The following ZNF254 variants were observed in gnomAD, a reference collection of about 807,000 sequenced individuals.
ZNF254 encodes zinc finger protein 254, also known as CTD-2017D11.1.
In ZNF254, 10 loss-of-function variants were observed where a neutral mutation model predicts 12.4. The ratio of observed to expected loss-of-function variants is 0.80; its 90% CI spans 0.50 to 1.36. ZNF254 has a LOEUF of 1.36. ZNF254 is among the 40% of genes most tolerant of loss of function. The pLI is 0.00. For synonymous variants in ZNF254, 305 were observed against 253.4 expected (o/e 1.20, Z -1.93); for missense variants, 996 against 763.9 (o/e 1.30, Z -3.58).
At chr19:24,118,468 T>A (rs572240066) in intron 3 of ZNF254, among the ~76,000 whole-genome samples, 1 of 152,160 alleles carries the variant, frequency 6.6e-6, no homozygotes, top group African/African-American at 2.4e-5. Flanking sequence ...TCTCTATAAA[T>A]TAGAAATTTT....
intron 2 of ZNF254, chr19:24,079,440 G>A (rs1489301664): frequency 2.0e-5 from 3 of 152,210 alleles, no homozygotes; most frequent in African/African-American, 7.2e-5. Context: ...ACTCATAGTG[G>A]AGCTGCCTAT....
At chr19:24,034,942 C>G (rs950837512) in intron 1 of ZNF254, among the ~76,000 whole-genome samples, 2 of 150,852 alleles carry the variant, frequency 1.3e-5, no homozygotes, top group African/African-American at 4.9e-5. Context: ...TGCCGTCATG[C>G]GCAGCATGAA....
intron 2 of ZNF254, chr19:24,080,215 C>T (rs1971799662): frequency 6.6e-6 from 1 of 152,172 alleles, no homozygotes; most frequent in South Asian, 2.1e-4. Context: ...TGGTTGCAAC[C>T]TTAAGCTAAC....
intron 1 of ZNF254, among the ~76,000 whole-genome samples, chr19:24,041,882 A>G (rs1226996522): frequency 2.0e-5 from 3 of 152,180 alleles, no homozygotes; most frequent in African/African-American, 7.2e-5. Flanking sequence ...GCACCAATCC[A>G]CACTCTGTAT....
In ZNF254 at chr19:24,128,673, T is replaced by C. The variant is rs1363899347; in HGVS notation, c.*693T>C. On this transcript the variant is annotated 3_prime_UTR_variant, in exon 4 of 4. Transcript: ENST00000357002. ...TCATACTAAAATATATTTTTGCAGA[T>C]ACATTAAATATGAAAGATATTCAAT... 6.6e-6 allele frequency: 1 copy of C among 152,094 alleles called. No individual in the cohort carries two copies. Among genetic ancestry groups the C allele is most frequent in the East Asian group, 1.9e-4 (1 of 5,198 alleles). 9.4% of individuals were successfully genotyped at this position (152,094 alleles called of 1,614,324 possible). A position where few individuals can be genotyped will look rare whatever the true frequency, so the allele number is the denominator to read the frequency against.
chr19:24,058,082 A>G lies in ZNF254; in HGVS notation c.-94+11803A>G, dbSNP rs55965783. 7.4e-3 allele frequency among the ~76,000 whole-genome samples: 1,122 copies of G among 152,282 alleles called. 9 individuals carry two copies. The highest frequency in any genetic ancestry group is 0.011 in the Admixed American group (170 of 15,288). On this transcript the variant is annotated intron_variant, in intron 2 of 4. Coordinates refer to the ZNF254 transcript ENST00000613065. ...TTGGTGCTACTCAAAAAAGACATTA[A>G]CATATCTCAGAGCCTTGCACCCAGG... is the stretch of plus-strand genomic sequence containing the variant.
chr19:24,048,003 C>CTTTTTTTTTTTT lies in ZNF254; in HGVS notation c.-94+1736_-94+1747dup, dbSNP rs398034320. Among the ~76,000 whole-genome samples, 659 of 68,804 alleles carry CTTTTTTTTTTTT rather than the reference C, an allele frequency of 9.6e-3. 45 individuals carry two copies. Among genetic ancestry groups the CTTTTTTTTTTTT allele is most frequent in the Non-Finnish European group, 0.012 (474 of 39,902 alleles). 45.1% of individuals were successfully genotyped at this position (68,804 alleles called of 152,430 possible). A position where few individuals can be genotyped will look rare whatever the true frequency, so the allele number is the denominator to read the frequency against. Reference sequence around the variant, plus strand: ...CACCCGGCTCTTTTTTTCTTTTCTTCTTTTTTTTTTTTTTTTTTTTTTTGC... The same window carrying CTTTTTTTTTTTT: ...CACCCGGCTCTTTTTTTCTTTTCTTCTTTTTTTTTTTTTTTTTTTTTTTTTTTTTTTTTTTGC... On this transcript the variant is annotated intron_variant, in intron 2 of 4. Transcript: ENST00000613065.
At chr19:24,103,497 ACT>A (rs1184600052) in intron 1 of ZNF254, among the ~76,000 whole-genome samples, 2 of 152,074 alleles carry the variant, frequency 1.3e-5, no homozygotes, top group Non-Finnish European at 2.9e-5. Flanking sequence ...AATATGCAGA[ACT>A]CTCTTTACTT....
chr19:24,041,900 C>T (rs1318077156), intron 1 of ZNF254, among the ~76,000 whole-genome samples: 17 of 151,866 alleles, frequency 1.1e-4, no homozygotes, highest in Non-Finnish European at 2.4e-4. Flanking sequence ...TATCTAGCTG[C>T]TCTGGTGAGG....
chr19:24,054,325 A>G (rs1290792221), intron 2 of ZNF254, among the ~76,000 whole-genome samples: 1 of 152,144 alleles, frequency 6.6e-6, no homozygotes, highest in Non-Finnish European at 1.5e-5. Context: ...CCCTACCTAC[A>G]GGTTAAATGG....
At chr19:24,047,812 C>T (rs1970457450) in intron 2 of ZNF254, among the ~76,000 whole-genome samples, 1 of 150,740 alleles carries the variant, frequency 6.6e-6, no homozygotes, top group Admixed American at 6.6e-5. Context: ...CTCAGCCTCC[C>T]AAGTAGCTGG....
chr19:24,093,160 A>G (rs2145693622), intron 1 of ZNF254, among the ~76,000 whole-genome samples: 1 of 151,956 alleles, frequency 6.6e-6, no homozygotes, highest in African/African-American at 2.4e-5. Flanking sequence ...TTTTCTTGTA[A>G]ACTTAAGATT....
chr19:24,077,043 T>C (rs560965812), intron 2 of ZNF254, among the ~76,000 whole-genome samples: 1 of 152,322 alleles, frequency 6.6e-6, no homozygotes, highest in South Asian at 2.1e-4. Flanking sequence ...CTGAGACAAA[T>C]GCAGATCTGT....
At chr19:24,082,189 C>T (rs1230047852), upstream of ZNF254, among the ~76,000 whole-genome samples, 1 of 151,476 alleles carries the variant, frequency 6.6e-6, no homozygotes, top group Non-Finnish European at 1.5e-5. Context: ...GATTCTTTAT[C>T]ACAAACCCTT....
chr19:24,109,209 TTATC>T (rs1471400838), intron 3 of ZNF254, among the ~76,000 whole-genome samples: 5 of 152,206 alleles, frequency 3.3e-5, no homozygotes, highest in Non-Finnish European at 7.3e-5. Context: ...TTTTAAATGC[TTATC>T]TATTAAAAGT....
At chr19:24,117,710 G>A (rs545792803) in intron 3 of ZNF254, among the ~76,000 whole-genome samples, 12 of 151,950 alleles carry the variant, frequency 7.9e-5, no homozygotes, top group Middle Eastern at 3.4e-3. Context: ...ACTGTCCTGC[G>A]CCCACTGTCT....
intron 3 of ZNF254, among the ~76,000 whole-genome samples, chr19:24,123,568 A>G (rs1974629475): frequency 6.6e-6 from 1 of 151,986 alleles, no homozygotes; most frequent in African/African-American, 2.4e-5. Context: ...TTTGCTTTAT[A>G]TATTTGGAAC....
chr19:24,043,188 A>C (rs1339111248), intron 1 of ZNF254, among the ~76,000 whole-genome samples: 1 of 152,134 alleles, frequency 6.6e-6, no homozygotes, highest in Non-Finnish European at 1.5e-5. Flanking sequence ...TTTCAGAGAA[A>C]GAGAACAAAA....
At chr19:24,117,847 A>AT (rs932732822) in intron 3 of ZNF254, among the ~76,000 whole-genome samples, 2,507 of 150,348 alleles carry the variant, frequency 0.017, 33 homozygotes, top group Non-Finnish European at 0.025. Context: ...GCTGCTCAAG[A>AT]TTTTTTTTTT....
Sources: allele counts gnomAD v4.1 joint callset (sites outside exome capture counted in the v4.1 genomes callset), GRCh38; gene constraint gnomAD v4.1.1; transcripts MANE v1.5; gene names NCBI Gene and HGNC (gene_info 2026-07-23, HGNC 2026-07-21).